MED25: variants seen among roughly 807,000 people sequenced by gnomAD.
The protein encoded by MED25 is mediator complex subunit 25, also known as mediator of RNA polymerase II transcription subunit 25.
In MED25, 62 loss-of-function variants were observed where a neutral mutation model predicts 89.4. The observed-to-expected ratio is 0.69, with a 90% CI of 0.57 to 0.86. The LOEUF (loss-of-function observed/expected upper bound fraction) is 0.86, where lower values mean the gene tolerates loss of function less well. MED25 is among the 40% of genes least tolerant of loss of function. The pLI, the probability that MED25 is intolerant of heterozygous loss-of-function variation, is 0.00. For synonymous variants in MED25, 449 were observed against 427.9 expected, an observed-to-expected ratio of 1.05 and a Z score of -0.61; for missense variants, 905 against 1,005.2, an observed-to-expected ratio of 0.90 and a Z score of 1.35.
At chr19:49,826,335 G>T (rs1373954970) in intron 3 of MED25, among the ~76,000 whole-genome samples, 1 of 152,192 alleles carries the variant, frequency 6.6e-6, no homozygotes, top group African/African-American at 2.4e-5. Context: ...GCGAGACTCC[G>T]TCTCAAAAAC....
rs2074049685 is a variant in MED25 at position 49,830,738 on chromosome 19, C to T, written c.952C>T (p.Pro318Ser). ...CCAACAAGCTGCTCCCGGAGTGGGT[C>T]CCCCCTTCAGCCAGGCCCCAGCTCC... ...PLQQAAPGVG[P>S]PFSQAPAPQL... Residue 318 changes from proline (P) to serine (S), a missense_variant, in exon 9 of 18, where the codon CCC becomes TCC. Transcript: ENST00000312865. This position sits in a 1 kb window ranked among gnomAD's most constrained non-coding sequence, Gnocchi z 4.6. The T allele has an allele frequency of 5.6e-6, 9 of 1,613,456 alleles. No homozygotes were observed. Among genetic ancestry groups the T allele is most frequent in the Non-Finnish European group, 7.6e-6 (9 of 1,179,684 alleles).
chr19:49,819,657 G>C, intron 3 of MED25: 1 of 352,594 alleles, frequency 2.8e-6, no homozygotes, highest in Admixed American at 3.9e-5. Context: ...ATTCAGGGAG[G>C]CCTGGCTGAG....
At chr19:49,828,829 A>G in intron 4 of MED25, 141 bp from the exon 5 acceptor site, 1 of 1,485,986 alleles carries the variant, frequency 6.7e-7, no homozygotes, top group Non-Finnish European at 9.1e-7. Flanking sequence ...TTGGAGCCTC[A>G]GTGTTCTCAG....
chr19:49,832,264 C>A, intron 12 of MED25, 44 bp from the exon 13 acceptor site: 1 of 1,532,276 alleles, frequency 6.5e-7, no homozygotes, highest in Non-Finnish European at 9.0e-7. Flanking sequence ...CCCCGCCTCA[C>A]TTGCCCACAC....
chr19:49,833,530 A>G (rs2074074354), intron 13 of MED25: 2 of 152,230 alleles, frequency 1.3e-5, no homozygotes, highest in Admixed American at 6.5e-5. Flanking sequence ...ACCTCACGAG[A>G]CCCTCACAGA....
chr19:49,821,488 C>T (rs942636938), intron 3 of MED25, among the ~76,000 whole-genome samples: 10 of 152,160 alleles, frequency 6.6e-5, no homozygotes, highest in Admixed American at 2.0e-4. Context: ...TTTTGTAGGT[C>T]GGGCGTGGTG....
downstream of MED25, chr19:49,838,890 GAGA>G (rs2074117097): frequency 5.1e-6 from 2 of 392,770 alleles, no homozygotes; most frequent in African/African-American, 2.1e-5. Flanking sequence ...GGAATCACGT[GAGA>G]AGAATGACCT....
At chr19:49,819,731 A>C (rs184472255) in intron 3 of MED25, 1 of 324,076 alleles carries the variant, frequency 3.1e-6, no homozygotes, top group Non-Finnish European at 6.0e-6. Flanking sequence ...TTTTCCGTCT[A>C]CCCCTGTCCT....
chr19:49,837,769 C>T (rs763143742), downstream of MED25, among the ~76,000 whole-genome samples: 7 of 152,108 alleles, frequency 4.6e-5, no homozygotes, highest in Non-Finnish European at 1.0e-4. Context: ...GAGCTCAGGA[C>T]GTGTCCTTAG....
intron 3 of MED25, among the ~76,000 whole-genome samples, chr19:49,822,118 C>T (rs2073986659): frequency 6.6e-6 from 1 of 151,398 alleles, no homozygotes. Context: ...AAAAATTTAA[C>T]CGGGCGCGGT....
downstream of MED25, among the ~76,000 whole-genome samples, chr19:49,837,857 A>G (rs2074110286): frequency 6.6e-6 from 1 of 152,212 alleles, no homozygotes; most frequent in African/African-American, 2.4e-5. Context: ...CCCTGGGTCC[A>G]TGTCAGAGAC....
At position 49,819,325 on chromosome 19, in the gene MED25, G is replaced by C. The variant is rs774785450; in HGVS notation, c.305+29G>C. ...AGCTTTCCCCCACTTGGGGTGGGTT[G>C]CTGGTCCCTGTGAGGGGCCGTGAAT... On this transcript the variant is annotated intron_variant, in intron 3 of 17. Transcript: ENST00000312865. 1.1e-5 allele frequency: 13 copies of C among 1,132,980 alleles called. No individual in the cohort carries two copies. In the Admixed American group the frequency reaches 1.2e-4, roughly 10 times the overall value. 70.2% of individuals were successfully genotyped at this position (1,132,980 alleles called of 1,614,324 possible). A position where few individuals can be genotyped will look rare whatever the true frequency, so the allele number is the denominator to read the frequency against.
In MED25 at chr19:49,831,502, G is replaced by A; in HGVS notation, c.1230+41G>A. ...GTCCATTGGGCACTTGGGACTCCTGGGGCCGTGGGGCTGGGCATGTAGGAC... is the reference window on the plus strand; with the variant it reads ...GTCCATTGGGCACTTGGGACTCCTGAGGCCGTGGGGCTGGGCATGTAGGAC... On this transcript the variant is annotated intron_variant, in intron 10 of 17. Coordinates refer to ENST00000312865, the MANE Select transcript of MED25 (RefSeq NM_030973.4). The surrounding 1 kb of genome is among the most constrained non-coding windows in gnomAD (Gnocchi z 5.0). 1 of 1,600,268 alleles carries A rather than the reference G, an allele frequency of 6.2e-7. No homozygotes were observed. The highest frequency in any genetic ancestry group is 1.3e-5 in the African/African-American group (1 of 74,836).
In MED25 at chr19:49,832,352, C is replaced by T. The variant is rs867554976; in HGVS notation, c.1419C>T (p.Phe473=). The T allele has an allele frequency of 4.3e-6, 7 of 1,611,324 alleles. No individual in the cohort carries two copies. The highest frequency in any genetic ancestry group is 1.1e-5 in the South Asian group (1 of 90,482). Reference sequence around the variant, plus strand: ...TCCGGAACTCAAGGATGGTCCAGTTCCATTTCACCAACAAGGACCTGGAGT... The same window carrying T: ...TCCGGAACTCAAGGATGGTCCAGTTTCATTTCACCAACAAGGACCTGGAGT... ...PLFRNSRMVQ[F]HFTNKDLESL... Residue 473 remains phenylalanine, a synonymous_variant, in exon 13 of 18, where the codon TTC becomes TTT. Coordinates refer to ENST00000312865, the MANE Select transcript of MED25 (RefSeq NM_030973.4).
At chr19:49,828,338 A>G in intron 3 of MED25, 111 bp from the exon 4 acceptor site, 1 of 775,034 alleles carries the variant, frequency 1.3e-6, no homozygotes, top group Admixed American at 1.7e-5. Flanking sequence ...CGTCATCCCA[A>G]GGTGCATAGC....
At position 49,830,003 on chromosome 19, in the gene MED25, CCTCT is replaced by C; in HGVS notation, c.688+56_688+59del. ...GGGGCTCGACGTGTTTCCCCAGCTCCCTCTGACTTGGATTTTGGATTTCTCTCCT... is the reference window on the plus strand; with the variant it reads ...GGGGCTCGACGTGTTTCCCCAGCTCCGACTTGGATTTTGGATTTCTCTCCT... On this transcript the variant is annotated intron_variant, in intron 6 of 17. Coordinates refer to ENST00000312865, the MANE Select transcript of MED25 (RefSeq NM_030973.4). The surrounding 1 kb of genome is among the most constrained non-coding windows in gnomAD (Gnocchi z 4.6). 1 of 1,598,892 alleles carries C rather than the reference CCTCT, an allele frequency of 6.3e-7. No individual in the cohort carries two copies. The highest frequency in any genetic ancestry group is 8.5e-7 in the Non-Finnish European group (1 of 1,171,226).
intron 3 of MED25, among the ~76,000 whole-genome samples, chr19:49,825,233 C>T (rs1445600152): frequency 1.3e-5 from 2 of 151,960 alleles, no homozygotes; most frequent in Non-Finnish European, 2.9e-5. Context: ...TCACACTTTT[C>T]CTCATAAGGG....
chr19:49,826,038 C>T (rs1361219227), intron 3 of MED25, among the ~76,000 whole-genome samples: 2 of 152,054 alleles, frequency 1.3e-5, no homozygotes, highest in African/African-American at 4.8e-5. Context: ...GTTGAAGTTT[C>T]TGCGTGCAAA....
Position 49,836,517 on chromosome 19 carries a change from T to G in MED25, c.2146+111T>G. 4.5e-6 allele frequency: 6 copies of G among 1,347,742 alleles called. No individual in the cohort carries two copies. The highest frequency in any genetic ancestry group is 6.2e-6 in the Non-Finnish European group (6 of 962,472). 83.5% of individuals were successfully genotyped at this position (1,347,742 alleles called of 1,614,324 possible). A position where few individuals can be genotyped will look rare whatever the true frequency, so the allele number is the denominator to read the frequency against. On this transcript the variant is annotated intron_variant, in intron 17 of 17. Coordinates refer to ENST00000312865, the MANE Select transcript of MED25 (RefSeq NM_030973.4). The surrounding 1 kb of genome is among the most constrained non-coding windows in gnomAD (Gnocchi z 5.1). Reference sequence around the variant, plus strand: ...GAAGTAAAGACATAGGATCCAAGAATGAGGGTTCCCCCATGGCCTTTGCGG... The same window carrying G: ...GAAGTAAAGACATAGGATCCAAGAAGGAGGGTTCCCCCATGGCCTTTGCGG...
Sources: allele counts gnomAD v4.1 joint callset (sites outside exome capture counted in the v4.1 genomes callset), GRCh38; gene constraint gnomAD v4.1.1; non-coding constraint Gnocchi (gnomAD v3.1); transcripts MANE v1.5; gene names NCBI Gene and HGNC (gene_info 2026-07-23, HGNC 2026-07-21).